Variants in ATP2C2 observed in about 807,000 individuals in gnomAD.
ATP2C2 encodes the protein ATPase secretory pathway Ca2+ transporting 2, also known as calcium-transporting ATPase type 2C member 2.
ATP2C2 carries 171 observed loss-of-function variants against 110.8 expected under a neutral mutation model. That is an observed-to-expected ratio of 1.54 (90% CI 1.36 to 1.75). The LOEUF is 1.75. Among genes scored for constraint, ATP2C2 ranks in the 40% most tolerant of loss-of-function variants. The probability of loss-of-function intolerance (pLI) is 0.00; values close to 1 mark genes in which losing one functional copy is unlikely to be tolerated. For synonymous variants in ATP2C2, 804 were observed against 508.4 expected (o/e 1.58, Z -7.82); for missense variants, 1,963 against 1,235.0 (o/e 1.59, Z -8.84).
rs767262085 is a variant in ATP2C2, at chr16:84,452,069, C to T, written c.1809C>T (p.Ala603=). The T allele has an allele frequency of 1.2e-6, 2 of 1,613,720 alleles. No individual in the cohort carries two copies. Among genetic ancestry groups the T allele is most frequent in the Non-Finnish European group, 1.7e-6 (2 of 1,179,966 alleles). Residue 603 remains alanine (A), a synonymous_variant, in exon 18 of 27, where the codon GCC becomes GCT. Transcript: ENST00000262429. ...CTGTGAAGATGATAACGGGGGATGC[C>T]CTGGAGACGGCCTTGGCCATAGGTA... is the stretch of plus-strand genomic sequence containing the variant. The part of the protein sequence containing the change: ...GVSVKMITGD[A]LETALAIGRN...
intron 25 of ATP2C2, 58 bp downstream of exon 25, chr16:84,461,870 G>T (rs1019014922): frequency 1.2e-6 from 2 of 1,607,532 alleles, no homozygotes; most frequent in Non-Finnish European, 8.5e-7. Flanking sequence ...CGACAGCAGC[G>T]CCCCGACCCT....
chr16:84,403,315 A>G (rs1381852816), intron 2 of ATP2C2, among the ~76,000 whole-genome samples: 1 of 151,938 alleles, frequency 6.6e-6, no homozygotes, highest in Non-Finnish European at 1.5e-5. Context: ...TAACCTTGTT[A>G]TTTTTTCCAA....
intron 21 of ATP2C2, among the ~76,000 whole-genome samples, chr16:84,455,797 G>A (rs901857193): frequency 4.1e-5 from 6 of 147,890 alleles, no homozygotes; most frequent in African/African-American, 7.5e-5. Flanking sequence ...TTTGAAATAC[G>A]TCCCATCAAT....
At chr16:84,430,169 T>C (rs1908139636) in intron 11 of ATP2C2, among the ~76,000 whole-genome samples, 1 of 152,170 alleles carries the variant, frequency 6.6e-6, no homozygotes, top group Admixed American at 6.6e-5. Flanking sequence ...GAACATATTT[T>C]ATTGGAGGGA....
chr16:84,460,921 C>G, intron 24 of ATP2C2, 120 bp downstream of exon 24: 2 of 1,351,734 alleles, frequency 1.5e-6, no homozygotes, highest in African/African-American at 1.5e-5. Context: ...GTACACACAC[C>G]GGACAATGTG....
chr16:84,413,788 C>T (rs1003533282), intron 6 of ATP2C2, among the ~76,000 whole-genome samples: 3 of 151,850 alleles, frequency 2.0e-5, no homozygotes, highest in Non-Finnish European at 2.9e-5. Context: ...CCCTGCTGTG[C>T]GGGACCCCCT....
chr16:84,384,375 T>C (rs1904294452), intron 1 of ATP2C2, among the ~76,000 whole-genome samples: 1 of 152,192 alleles, frequency 6.6e-6, no homozygotes, highest in African/African-American at 2.4e-5. Context: ...GTTTGTCTAA[T>C]GTTTCCTCGG....
At chr16:84,391,521 A>G (rs1261989417) in intron 1 of ATP2C2, among the ~76,000 whole-genome samples, 1 of 152,224 alleles carries the variant, frequency 6.6e-6, no homozygotes, top group Non-Finnish European at 1.5e-5. Context: ...CCCTAACCCA[A>G]TGACTGGGGT....
intron 1 of ATP2C2, among the ~76,000 whole-genome samples, chr16:84,396,841 G>A (rs1040606028): frequency 3.9e-5 from 6 of 151,942 alleles, no homozygotes; most frequent in African/African-American, 7.3e-5. Context: ...AAAGATCTGC[G>A]TAATCGCTGC....
intron 1 of ATP2C2, among the ~76,000 whole-genome samples, chr16:84,370,047 T>A (rs191656414): frequency 6.6e-6 from 1 of 152,362 alleles, no homozygotes; most frequent in Non-Finnish European, 1.5e-5. Flanking sequence ...TTCCTTTCCA[T>A]CTTTTGATTC....
rs552298816 is a variant in ATP2C2 at position 84,441,656 on chromosome 16, C to T, written c.1311+698C>T. 6.6e-5 allele frequency among the ~76,000 whole-genome samples: 10 copies of T among 151,880 alleles called. No individual in the cohort carries two copies. The South Asian group carries it at 2.1e-3, about 32-fold the overall frequency. On this transcript the variant is annotated intron_variant, in intron 14 of 26. Transcript: ENST00000262429. The stretch of plus-strand genomic sequence containing the variant: ...AAAAATATGACCAGGCGTGGTGGCT[C>T]ATGCCTATAATCCCAGCACTTTGGG...
chr16:84,450,257 T>A (rs1048596648), intron 17 of ATP2C2, among the ~76,000 whole-genome samples: 3 of 152,186 alleles, frequency 2.0e-5, no homozygotes, highest in Non-Finnish European at 2.9e-5. Context: ...TGTGCGTTTT[T>A]CCAATCTGTG....
chr16:84,421,706 T>G (rs1293122072), intron 7 of ATP2C2, among the ~76,000 whole-genome samples: 1 of 152,158 alleles, frequency 6.6e-6, no homozygotes, highest in Non-Finnish European at 1.5e-5. Context: ...AGAGCTTCGG[T>G]TCAAATCTCT....
In ATP2C2 at chr16:84,405,120, C is replaced by T. The variant is rs1361607342; in HGVS notation, c.211-8C>T. ...ATGAGTGAGCTTGTGCCTGACCTCT[C>T]CTTCCAGGTGGACTTACACACTGGG... On this transcript the variant is annotated splice_polypyrimidine_tract_variant and splice_region_variant and intron_variant, in intron 2 of 26. Transcript: ENST00000262429. 1.9e-6 allele frequency: 3 copies of T among 1,612,620 alleles called. No individual in the cohort carries two copies. The highest frequency in any genetic ancestry group is 2.5e-6 in the Non-Finnish European group (3 of 1,179,080).
chr16:84,423,782 G>C (rs1311253470), intron 10 of ATP2C2, among the ~76,000 whole-genome samples: 1 of 152,218 alleles, frequency 6.6e-6, no homozygotes, highest in Non-Finnish European at 1.5e-5. Flanking sequence ...TAACTGCAAA[G>C]GAGACTGGGA....
At chr16:84,374,474 T>G (rs1278650893) in intron 1 of ATP2C2, among the ~76,000 whole-genome samples, 1 of 152,242 alleles carries the variant, frequency 6.6e-6, no homozygotes, top group African/African-American at 2.4e-5. Flanking sequence ...TCAAGGTTAA[T>G]AAGTTCTCAG....
chr16:84,455,053 T>G, intron 21 of ATP2C2, 69 bp downstream of exon 21: 5 of 1,180,226 alleles, frequency 4.2e-6, no homozygotes, highest in Non-Finnish European at 4.8e-6. Flanking sequence ...CCCTGGAACC[T>G]GCTACTGTGG....
chr16:84,442,727 A>C (rs1234158014), intron 15 of ATP2C2, 128 bp downstream of exon 15: 1 of 912,230 alleles, frequency 1.1e-6, no homozygotes, highest in South Asian at 1.4e-5. Flanking sequence ...AAAATGGCCC[A>C]CACTGGCCTT....
At chr16:84,459,907 C>G in intron 23 of ATP2C2, 1 of 315,822 alleles carries the variant, frequency 3.2e-6, no homozygotes, top group Non-Finnish European at 6.1e-6. Flanking sequence ...CAGGAGTCCA[C>G]CCGCTCCGCC....
Sources: allele counts gnomAD v4.1 joint callset (sites outside exome capture counted in the v4.1 genomes callset), GRCh38; gene constraint gnomAD v4.1.1; transcripts MANE v1.5; gene names NCBI Gene and HGNC (gene_info 2026-07-23, HGNC 2026-07-21).